The following PDIK1L variants were observed in gnomAD, a reference collection of about 807,000 sequenced individuals.
PDIK1L encodes the protein serine/threonine-protein kinase PDIK1L.
Under a neutral mutation model 27.1 loss-of-function variants are expected in PDIK1L, and 9 were observed. The observed-to-expected ratio is 0.33, with a 90% CI of 0.20 to 0.58. The LOEUF is 0.58. PDIK1L is among the 20% of genes least tolerant of loss of function. PDIK1L has a pLI of 0.86. For synonymous variants in PDIK1L, 130 were observed against 141.7 expected, an observed-to-expected ratio of 0.92 and a Z score of 0.59; for missense variants, 216 against 413.2, an observed-to-expected ratio of 0.52 and a Z score of 4.14.
intron 2 of PDIK1L, among the ~76,000 whole-genome samples, chr1:26,117,376 C>T (rs1279753102): frequency 6.6e-6 from 1 of 152,170 alleles, no homozygotes; most frequent in East Asian, 1.9e-4. Flanking sequence ...AATAACTAGC[C>T]TCTGTGCATT....
chr1:26,114,367 G>T lies in PDIK1L; in HGVS notation c.59G>T (p.Gly20Val). Reference protein sequence around the residue: ...LIREVGRGSYGVVYEAVIRKT... With the variant: ...LIREVGRGSYVVVYEAVIRKT... ...CGGGAGGTAGGCCGAGGTAGTTACG[G>T]TGTTGTGTATGAAGCAGTCATCAGA... is the stretch of plus-strand genomic sequence containing the variant. Residue 20 changes from glycine to valine, a missense_variant, in exon 2 of 3, where the codon GGT becomes GTT. Transcript: ENST00000374269. This position sits in a 1 kb window ranked among gnomAD's most constrained non-coding sequence, Gnocchi z 4.8. 1.2e-6 allele frequency: 2 copies of T among 1,614,108 alleles called. No homozygotes were observed. The highest frequency in any genetic ancestry group is 1.7e-6 in the Non-Finnish European group (2 of 1,180,016).
chr1:26,114,269 G>C lies in PDIK1L; in HGVS notation c.-17-23G>C. Reference sequence around the variant, plus strand: ...CCAGTAGGTATACATAATTTCAACAGAGCACTTTGTTGATTTTTCCAGAAA... The same window carrying C: ...CCAGTAGGTATACATAATTTCAACACAGCACTTTGTTGATTTTTCCAGAAA... On this transcript the variant is annotated intron_variant, in intron 1 of 2. Transcript: ENST00000374269. The surrounding 1 kb of genome is among the most constrained non-coding windows in gnomAD (Gnocchi z 4.8). 1 of 1,580,172 alleles carries C rather than the reference G, an allele frequency of 6.3e-7. No individual in the cohort carries two copies. The highest frequency in any genetic ancestry group is 8.6e-7 in the Non-Finnish European group (1 of 1,158,924).
Position 26,125,321 on chromosome 1 carries a change from T to G in PDIK1L, c.*2744T>G, listed in dbSNP as rs1307882247. Reference sequence around the variant, plus strand: ...GTTGTTGTTGTTTTTAATTGTAAATTGTTATCAATCAAACTATTGTAGCAG... The same window carrying G: ...GTTGTTGTTGTTTTTAATTGTAAATGGTTATCAATCAAACTATTGTAGCAG... On this transcript the variant is annotated 3_prime_UTR_variant, in exon 3 of 3. Transcript: ENST00000374269. The G allele has an allele frequency of 6.6e-6, 1 of 152,626 alleles. No homozygotes were observed. The highest frequency in any genetic ancestry group is 2.4e-5 in the African/African-American group (1 of 41,464). The allele number at this position is 152,626 out of a possible 1,614,324, so 9.5% of individuals were successfully genotyped here.
chr1:26,124,239 C>G lies in PDIK1L; in HGVS notation c.*1662C>G, dbSNP rs1294395143. 1.3e-5 allele frequency: 2 copies of G among 152,314 alleles called. No homozygotes were observed. Among genetic ancestry groups the G allele is most frequent in the African/African-American group, 4.8e-5 (2 of 41,428 alleles). The allele number at this position is 152,314 out of a possible 1,614,324, so 9.4% of individuals were successfully genotyped here. A position where few individuals can be genotyped will look rare whatever the true frequency, so the allele number is the denominator to read the frequency against. On this transcript the variant is annotated 3_prime_UTR_variant, in exon 3 of 3. Transcript: ENST00000374269. ...TTCTGGACTATGTTAGTTACTTGATCTGGAAGTTTAAAATTTGGACTAAAA... is the reference window on the plus strand; with the variant it reads ...TTCTGGACTATGTTAGTTACTTGATGTGGAAGTTTAAAATTTGGACTAAAA...
chr1:26,119,292 C>T (rs780445243), intron 2 of PDIK1L, among the ~76,000 whole-genome samples: 2 of 152,082 alleles, frequency 1.3e-5, no homozygotes, highest in Non-Finnish European at 2.9e-5. Flanking sequence ...CCTGTAGTCT[C>T]AGCTACTTGG....
Position 26,114,813 on chromosome 1 carries a change from T to G in PDIK1L, c.285+220T>G, listed in dbSNP as rs2087853110. Among the ~76,000 whole-genome samples, 1 of 152,246 alleles carries G rather than the reference T, an allele frequency of 6.6e-6. No homozygotes were observed. The highest frequency in any genetic ancestry group is 2.1e-4 in the South Asian group (1 of 4,836). On this transcript the variant is annotated intron_variant, in intron 2 of 2. Transcript: ENST00000374269. This position sits in a 1 kb window ranked among gnomAD's most constrained non-coding sequence, Gnocchi z 4.8. ...TAAAAATAACATAAGCCACCTGTTA[T>G]GCAATGGTACTTGCCAGTCTGCATA...
At chr1:26,120,348 G>C (rs979411698) in intron 2 of PDIK1L, among the ~76,000 whole-genome samples, 1 of 151,934 alleles carries the variant, frequency 6.6e-6, no homozygotes. Flanking sequence ...AGCATGTTTA[G>C]TATCAGTGCA....
In PDIK1L at chr1:26,122,080, T is replaced by C; in HGVS notation, c.529T>C (p.Leu177=). The C allele has an allele frequency of 6.2e-7, 1 of 1,613,666 alleles. No homozygotes were observed. The highest frequency in any genetic ancestry group is 1.1e-5 in the South Asian group (1 of 91,074). ...PDNILISQTR[L]DTSDLEPTLK... is the part of the protein sequence containing the mutation. ...TAACATCCTGATTTCTCAAACCAGG[T>C]TGGATACCAGTGACTTGGAACCTAC... is the stretch of plus-strand genomic sequence containing the variant. The change falls in exon 3 of 3, where the codon TTG becomes CTG. Residue 177 remains leucine, a synonymous_variant. Transcript: ENST00000374269. This position sits in a 1 kb window ranked among gnomAD's most constrained non-coding sequence, Gnocchi z 5.4.
At chr1:26,113,985 T>C (rs548002743) in intron 1 of PDIK1L, among the ~76,000 whole-genome samples, 1 of 152,328 alleles carries the variant, frequency 6.6e-6, no homozygotes, top group East Asian at 1.9e-4. Flanking sequence ...CTTAGGCGTT[T>C]CATTTAACCT....
At chr1:26,119,037 A>T (rs1220295818) in intron 2 of PDIK1L, among the ~76,000 whole-genome samples, 2 of 152,220 alleles carry the variant, frequency 1.3e-5, no homozygotes, top group Non-Finnish European at 2.9e-5. Flanking sequence ...CAGTCTGTGT[A>T]CTTGTGATAA....
chr1:26,122,840 C>T lies in PDIK1L; in HGVS notation c.*263C>T. ...GTTTGGCAGGAAAATTCTTTAAGAGCTAACAAGAGAAGAGAGTCCAGTTTT... is the reference window on the plus strand; with the variant it reads ...GTTTGGCAGGAAAATTCTTTAAGAGTTAACAAGAGAAGAGAGTCCAGTTTT... On this transcript the variant is annotated 3_prime_UTR_variant, in exon 3 of 3. Coordinates refer to ENST00000374269, the MANE Select transcript of PDIK1L (RefSeq NM_152835.5). The surrounding 1 kb of genome is among the most constrained non-coding windows in gnomAD (Gnocchi z 5.4). 3.4e-6 allele frequency: 1 copy of T among 291,412 alleles called. No homozygotes were observed. The allele number at this position is 291,412 out of a possible 1,614,324, so 18.1% of individuals were successfully genotyped here.
rs374173558 is a variant in PDIK1L at position 26,114,600 on chromosome 1, G to C, written c.285+7G>C. The C allele has an allele frequency of 6.2e-7, 1 of 1,606,944 alleles. No homozygotes were observed. The highest frequency in any genetic ancestry group is 1.7e-5 in the Admixed American group (1 of 59,828). On this transcript the variant is annotated splice_region_variant and intron_variant, in intron 2 of 2. Transcript: ENST00000374269. The surrounding 1 kb of genome is among the most constrained non-coding windows in gnomAD (Gnocchi z 4.8). ...TTCTTCCCTTTATTTACAGGTATGT[G>C]TTGTTGATTGGGAAATAGAAATGAT...
In PDIK1L at chr1:26,124,618, G is replaced by C. The variant is rs1358712911; in HGVS notation, c.*2041G>C. On this transcript the variant is annotated 3_prime_UTR_variant, in exon 3 of 3. Coordinates refer to ENST00000374269, the MANE Select transcript of PDIK1L (RefSeq NM_152835.5). ...TTTTGGTCCTGCCTCATGTAAAATA[G>C]TTAATGATTATCATTTACTTGGAAA... The C allele has an allele frequency of 1.3e-5, 2 of 152,172 alleles. No individual in the cohort carries two copies. The highest frequency in any genetic ancestry group is 4.8e-5 in the African/African-American group (2 of 41,448). The allele number at this position is 152,172 out of a possible 1,614,324, so 9.4% of individuals were successfully genotyped here. A position where few individuals can be genotyped will look rare whatever the true frequency, so the allele number is the denominator to read the frequency against.
At chr1:26,116,491 G>A (rs2087878514) in intron 2 of PDIK1L, among the ~76,000 whole-genome samples, 1 of 152,270 alleles carries the variant, frequency 6.6e-6, no homozygotes, top group Admixed American at 6.5e-5. Flanking sequence ...CTGCAGCCTG[G>A]GTGACAGCGA....
intron 2 of PDIK1L, among the ~76,000 whole-genome samples, chr1:26,117,254 A>G (rs2087894924): frequency 6.6e-6 from 1 of 150,392 alleles, no homozygotes. Flanking sequence ...CTGGTCTCGA[A>G]CTCCAGACCT....
chr1:26,111,843 G>C lies in PDIK1L; in HGVS notation c.-90G>C, dbSNP rs1330718894. On this transcript the variant is annotated 5_prime_UTR_variant, in exon 1 of 3. Transcript: ENST00000374269. The surrounding 1 kb of genome is among the most constrained non-coding windows in gnomAD (Gnocchi z 4.0). ...GCTGCTGACTGGAGGCGGCGGCAGC[G>C]GAGGCGCGAGCTGCCCGATAATGGC... The C allele has an allele frequency of 6.6e-6, 1 of 152,240 alleles. No homozygotes were observed. Among genetic ancestry groups the C allele is most frequent in the African/African-American group, 2.4e-5 (1 of 41,436 alleles). 9.4% of individuals were successfully genotyped at this position (152,240 alleles called of 1,614,324 possible). A position where few individuals can be genotyped will look rare whatever the true frequency, so the allele number is the denominator to read the frequency against.
chr1:26,124,702 A>C lies in PDIK1L; in HGVS notation c.*2125A>C, dbSNP rs1438873108. On this transcript the variant is annotated 3_prime_UTR_variant, in exon 3 of 3. Transcript: ENST00000374269. The stretch of plus-strand genomic sequence containing the variant: ...GGGTAAGGGTATGAGGTGATCAGGA[A>C]GTTTCTTCTGGAATTTTATCAAGTC... 6.6e-6 allele frequency: 1 copy of C among 152,190 alleles called. No individual in the cohort carries two copies. Among genetic ancestry groups the C allele is most frequent in the South Asian group, 2.1e-4 (1 of 4,834 alleles). 9.4% of individuals were successfully genotyped at this position (152,190 alleles called of 1,614,324 possible). A position where few individuals can be genotyped will look rare whatever the true frequency, so the allele number is the denominator to read the frequency against.
At position 26,122,227 on chromosome 1, in the gene PDIK1L, G is replaced by A; in HGVS notation, c.676G>A (p.Ala226Thr). 1 of 1,614,184 alleles carries A rather than the reference G, an allele frequency of 6.2e-7. No homozygotes were observed. The highest frequency in any genetic ancestry group is 8.5e-7 in the Non-Finnish European group (1 of 1,180,038). The change falls in exon 3 of 3, where the codon GCT (alanine) becomes ACT (threonine). Residue 226 changes from alanine (A) to threonine (T), a missense_variant. Coordinates refer to ENST00000374269, the MANE Select transcript of PDIK1L (RefSeq NM_152835.5). The surrounding 1 kb of genome is among the most constrained non-coding windows in gnomAD (Gnocchi z 5.4). The stretch of plus-strand genomic sequence containing the variant: ...AGCATGTGGAACAGATTTTTACATG[G>A]CTCCTGAAGTTTGGGAAGGACATTA... ...STACGTDFYM[A>T]PEVWEGHYTA...
Position 26,122,100 on chromosome 1 carries a change from A to G in PDIK1L, c.549A>G (p.Glu183=). The G allele has an allele frequency of 6.2e-7, 1 of 1,614,010 alleles. No individual in the cohort carries two copies. The highest frequency in any genetic ancestry group is 1.1e-5 in the South Asian group (1 of 91,084). ...CCAGGTTGGATACCAGTGACTTGGA[A>G]CCTACCCTCAAAGTGGCTGATTTTG... ...SQTRLDTSDL[E]PTLKVADFGL... is the part of the protein sequence containing the mutation. The change falls in exon 3 of 3, where the codon GAA becomes GAG. Residue 183 remains glutamate (E), a synonymous_variant. Transcript: ENST00000374269. The surrounding 1 kb of genome is among the most constrained non-coding windows in gnomAD (Gnocchi z 5.4).
Sources: allele counts gnomAD v4.1 joint callset (sites outside exome capture counted in the v4.1 genomes callset), GRCh38; gene constraint gnomAD v4.1.1; non-coding constraint Gnocchi (gnomAD v3.1); transcripts MANE v1.5; gene names NCBI Gene and HGNC (gene_info 2026-07-23, HGNC 2026-07-21).